CNTNAP4: variants seen among roughly 807,000 people sequenced by gnomAD.
CNTNAP4 encodes the protein contactin associated protein family member 4.
Under a neutral mutation model 148.4 loss-of-function variants are expected in CNTNAP4, and 98 were observed. The ratio of observed to expected loss-of-function variants is 0.66; its 90% confidence interval spans 0.56 to 0.78. CNTNAP4 has a LOEUF of 0.78. CNTNAP4 is among the 30% of genes least tolerant of loss of function. CNTNAP4 has a pLI of 0.00. For missense variants in CNTNAP4, 1,935 were observed against 1,565.6 expected (o/e 1.24, Z -3.98); for synonymous variants, 730 against 565.1 (o/e 1.29, Z -4.14).
At chr16:76,485,204 G>C (rs979720446) in intron 12 of CNTNAP4, among the ~76,000 whole-genome samples, 1 of 151,888 alleles carries the variant, frequency 6.6e-6, no homozygotes, top group Admixed American at 6.6e-5. Context: ...CTAAACCTCC[G>C]CCTCCCAGGT....
chr16:76,536,796 C>T (rs1329096959), intron 18 of CNTNAP4, among the ~76,000 whole-genome samples: 3 of 152,100 alleles, frequency 2.0e-5, no homozygotes, highest in Middle Eastern at 3.2e-3. Context: ...GACAGACTTC[C>T]ATGAATATAC....
chr16:76,448,269 G>C (rs1597574621), intron 5 of CNTNAP4, 54 bp downstream of exon 5: 2 of 1,275,664 alleles, frequency 1.6e-6, no homozygotes, highest in South Asian at 2.6e-5. Context: ...TATCACCTAA[G>C]TCACTTTATG....
At chr16:76,424,308 T>C (rs913485211) in intron 3 of CNTNAP4, among the ~76,000 whole-genome samples, 5 of 152,254 alleles carry the variant, frequency 3.3e-5, no homozygotes, top group African/African-American at 9.6e-5. Context: ...GGTAATTTAA[T>C]TAATCATCCA....
At chr16:76,460,773 A>AAAATATAT in intron 8 of CNTNAP4, among the ~76,000 whole-genome samples, 2 of 57,324 alleles carry the variant, frequency 3.5e-5, no homozygotes, top group African/African-American at 1.3e-4. Flanking sequence ...AAAAAAAAAA[A>AAAATATAT]ATATATATAT....
At chr16:76,359,976 T>C (rs2013204723) in intron 3 of CNTNAP4, among the ~76,000 whole-genome samples, 1 of 152,240 alleles carries the variant, frequency 6.6e-6, no homozygotes, top group Non-Finnish European at 1.5e-5. Context: ...ATGCCTAAGA[T>C]TCTTTTATAC....
intron 15 of CNTNAP4, among the ~76,000 whole-genome samples, chr16:76,508,331 T>G (rs61591725): frequency 0.023 from 2,244 of 97,528 alleles, 371 homozygotes; most frequent in African/African-American, 0.053. Context: ...AAAAATCACA[T>G]AGTAGAAGAA....
chr16:76,337,468 G>C (rs1964114541), intron 2 of CNTNAP4, among the ~76,000 whole-genome samples: 1 of 152,170 alleles, frequency 6.6e-6, no homozygotes, highest in Admixed American at 6.5e-5. Flanking sequence ...ATTTCAAAAG[G>C]GGAGGGGTGT....
Position 76,538,189 on chromosome 16 carries a change from C to A in CNTNAP4, c.3069C>A (p.Asn1023Lys). 1 of 1,604,780 alleles carries A rather than the reference C, an allele frequency of 6.2e-7. No homozygotes were observed. The highest frequency in any genetic ancestry group is 8.5e-7 in the Non-Finnish European group (1 of 1,176,642). The change falls in exon 19 of 24, where the codon AAC becomes AAA. Residue 1023 changes from asparagine to lysine, a missense_variant. Asn to Lys is a moderately conservative substitution (Grantham distance 94, BLOSUM62 0). Transcript: ENST00000611870. ...NFQENYLLSK[N>K]SSSHAASFHG... ...AAGAAAATTATCTTTTAAGTAAAAA[C>A]TCCAGCTCCCACGCTGCTTCATTTC... is the stretch of plus-strand genomic sequence containing the variant.
In CNTNAP4 at chr16:76,322,972, G is replaced by T. The variant is rs542414572; in HGVS notation, c.196+6449G>T. 2.6e-5 allele frequency among the ~76,000 whole-genome samples: 4 copies of T among 151,786 alleles called. No individual in the cohort carries two copies. In the East Asian group the frequency reaches 7.8e-4, roughly 29 times the overall value. ...GCCTTGGTCTGCTGAGTATCTGGGT[G>T]TACAGGCACGCACCACCACACCCAC... On this transcript the variant is annotated intron_variant, in intron 2 of 23. Coordinates refer to ENST00000611870, the MANE Select transcript of CNTNAP4 (RefSeq NM_033401.5).
intron 3 of CNTNAP4, among the ~76,000 whole-genome samples, chr16:76,369,207 T>A (rs2014513958): frequency 6.6e-6 from 1 of 152,176 alleles, no homozygotes; most frequent in Non-Finnish European, 1.5e-5. Context: ...TAGACATTAT[T>A]TTCCAATGTG....
Position 76,506,032 on chromosome 16 carries a change from A to T in CNTNAP4, c.2365+7338A>T, listed in dbSNP as rs1223921502. 2.0e-5 allele frequency among the ~76,000 whole-genome samples: 2 copies of T among 98,102 alleles called. 1 individual carries two copies. The highest frequency in any genetic ancestry group is 5.8e-5 in the Non-Finnish European group (2 of 34,472). 64.4% of individuals were successfully genotyped at this position (98,102 alleles called of 152,430 possible). ...CCAGCACATTTCTGGAATCGTGCTG[A>T]ATATGTTTCTAACTTATATTGACTT... On this transcript the variant is annotated intron_variant, in intron 15 of 23. Transcript: ENST00000611870.
chr16:76,314,641 C>G (rs764333003), intron 1 of CNTNAP4, among the ~76,000 whole-genome samples: 4 of 152,298 alleles, frequency 2.6e-5, no homozygotes, highest in Non-Finnish European at 5.9e-5. Context: ...AAGTCTGGGT[C>G]TGTTAAGTAA....
chr16:76,323,198 A>G (rs1164459438), intron 2 of CNTNAP4, among the ~76,000 whole-genome samples: 4 of 152,086 alleles, frequency 2.6e-5, no homozygotes, highest in African/African-American at 9.7e-5. Context: ...TAGTTTTTTA[A>G]TGTTTGTTAT....
chr16:76,502,068 C>CAA (rs60515495), intron 15 of CNTNAP4, among the ~76,000 whole-genome samples: 24,751 of 134,586 alleles, frequency 0.18, 2,423 homozygotes, highest in Admixed American at 0.32. Flanking sequence ...GACTCCGTCT[C>CAA]AAAAAAAAAA....
chr16:76,475,145 C>G (rs929417557), intron 10 of CNTNAP4, among the ~76,000 whole-genome samples: 10 of 151,632 alleles, frequency 6.6e-5, no homozygotes, highest in African/African-American at 2.4e-4. Context: ...CCACTGCACA[C>G]CAACTGGGGC....
In CNTNAP4 at chr16:76,522,600, CTTTT is replaced by C. The variant is rs751519486; in HGVS notation, c.2755+344_2755+347del. ...CTCCTTTCTTTCTCTCTCTCTCTTT[CTTTT>C]CTTTATTTCCTTCCTTCCTTCCTTC... On this transcript the variant is annotated intron_variant, in intron 17 of 23. Transcript: ENST00000611870. Among the ~76,000 whole-genome samples, 144 of 77,978 alleles carry C rather than the reference CTTTT, an allele frequency of 1.8e-3. 1 individual carries two copies. The highest frequency in any genetic ancestry group is 3.2e-3 in the Admixed American group (24 of 7,496). 51.2% of individuals were successfully genotyped at this position (77,978 alleles called of 152,430 possible).
chr16:76,463,731 T>A (rs1244949235), intron 9 of CNTNAP4, among the ~76,000 whole-genome samples: 3 of 152,224 alleles, frequency 2.0e-5, no homozygotes, highest in Non-Finnish European at 4.4e-5. Flanking sequence ...TAAAGAAAGA[T>A]GATCAATGCA....
chr16:76,556,269 A>G (rs1451879512), intron 23 of CNTNAP4, among the ~76,000 whole-genome samples: 2 of 152,192 alleles, frequency 1.3e-5, no homozygotes, highest in Non-Finnish European at 2.9e-5. Context: ...AGCTATATAT[A>G]TACATCTTCA....
At chr16:76,461,897 A>G in intron 8 of CNTNAP4, 59 bp from the exon 9 acceptor site, 1 of 1,512,834 alleles carries the variant, frequency 6.6e-7, no homozygotes. Flanking sequence ...GCTGTTTCTA[A>G]CCAACTCCTT....
Sources: gnomAD v4.1 joint callset for allele counts (sites outside exome capture counted in the v4.1 genomes callset) on GRCh38, gnomAD v4.1.1 for gene constraint, MANE v1.5 for transcripts, NCBI Gene and HGNC (gene_info 2026-07-23, HGNC 2026-07-21) for gene names.